Variants in MGAT5B observed in about 807,000 individuals in gnomAD.
The protein encoded by MGAT5B is alpha-1,6-mannosylglycoprotein 6-beta-N-acetylglucosaminyltransferase B.
In MGAT5B, 54 loss-of-function variants were observed where a neutral mutation model predicts 95.1. That is an observed-to-expected ratio of 0.57 (90% confidence interval 0.46 to 0.71). MGAT5B has a LOEUF of 0.71. Ranked by LOEUF, MGAT5B falls within the 30% of genes least tolerant of loss-of-function variation. The pLI, the probability that MGAT5B is intolerant of heterozygous loss-of-function variation, is 0.00. For missense variants in MGAT5B, 935 were observed against 1,088.6 expected (o/e 0.86, Z 1.99); for synonymous variants, 464 against 451.0 (o/e 1.03, Z -0.36).
intron 2 of MGAT5B, among the ~76,000 whole-genome samples, chr17:76,874,941 ATGTGCATGTG>A (rs1053399325): frequency 1.8e-4 from 28 of 152,134 alleles, no homozygotes; most frequent in African/African-American, 6.0e-4. Flanking sequence ...TCGTGTGTAC[ATGTGCATGTG>A]TGTGCATGTG....
chr17:76,941,753 A>G (rs1164674498), intron 15 of MGAT5B, among the ~76,000 whole-genome samples: 3 of 152,226 alleles, frequency 2.0e-5, no homozygotes, highest in Admixed American at 6.5e-5. Context: ...GGATTTTAGC[A>G]GTAGCTTATT....
rs193087965 is a variant in MGAT5B at position 76,897,012 on chromosome 17, G to A, written c.330-5543G>A. On this transcript the variant is annotated intron_variant, in intron 3 of 17. Coordinates refer to ENST00000569840, the MANE Select transcript of MGAT5B (RefSeq NM_001199172.2). ...TGGCTCACTGCAGCCTGGACCTCACGGGCGCAAACGATCCTCCTGCCTCAA... is the reference window on the plus strand; with the variant it reads ...TGGCTCACTGCAGCCTGGACCTCACAGGCGCAAACGATCCTCCTGCCTCAA... 1.8e-3 allele frequency among the ~76,000 whole-genome samples: 268 copies of A among 152,096 alleles called. 1 individual carries two copies. The highest frequency in any genetic ancestry group is 4.4e-3 in the African/African-American group (181 of 41,492).
chr17:76,943,220 CTGTT>C (rs1969922932), intron 15 of MGAT5B, among the ~76,000 whole-genome samples: 2 of 151,956 alleles, frequency 1.3e-5, no homozygotes, highest in African/African-American at 4.8e-5. Flanking sequence ...ACATGAACAT[CTGTT>C]TAATTTTGTT....
At chr17:76,941,262 A>G (rs538080184) in intron 15 of MGAT5B, among the ~76,000 whole-genome samples, 1 of 152,380 alleles carries the variant, frequency 6.6e-6, no homozygotes, top group African/African-American at 2.4e-5. Flanking sequence ...TAATGTGCAT[A>G]CAGAGCGTCT....
At chr17:76,934,367 C>T (rs2145260941) in intron 12 of MGAT5B, among the ~76,000 whole-genome samples, 1 of 152,338 alleles carries the variant, frequency 6.6e-6, no homozygotes, top group East Asian at 1.9e-4. Flanking sequence ...CTACATCAAT[C>T]TAAGTCCAGA....
At chr17:76,935,420 T>G (rs181308181) in intron 12 of MGAT5B, among the ~76,000 whole-genome samples, 1 of 48,178 alleles carries the variant, frequency 2.1e-5, no homozygotes, top group African/African-American at 5.9e-5. Flanking sequence ...GTGTTTAACT[T>G]TTTTTAAAAG....
intron 3 of MGAT5B, among the ~76,000 whole-genome samples, chr17:76,891,738 G>A (rs1407371558): frequency 6.6e-6 from 1 of 152,230 alleles, no homozygotes; most frequent in South Asian, 2.1e-4. Context: ...GTTCATAGCA[G>A]CAGGCAAGAC....
chr17:76,902,776 C>A, intron 4 of MGAT5B, 106 bp downstream of exon 4: 1 of 874,460 alleles, frequency 1.1e-6, no homozygotes, highest in Non-Finnish European at 1.8e-6. Context: ...CCGACTTCTC[C>A]TGACAGCAGC....
At chr17:76,899,748 C>A (rs766928426) in intron 3 of MGAT5B, among the ~76,000 whole-genome samples, 5 of 151,884 alleles carry the variant, frequency 3.3e-5, no homozygotes, top group Non-Finnish European at 7.4e-5. Flanking sequence ...CCACGGGCTT[C>A]ATCTGGACTG....
chr17:76,927,733 T>A (rs938843636), intron 10 of MGAT5B, among the ~76,000 whole-genome samples: 2 of 152,244 alleles, frequency 1.3e-5, no homozygotes, highest in African/African-American at 4.8e-5. Flanking sequence ...TGGTTCACGC[T>A]GCGCTCTTCC....
At chr17:76,935,896 A>ATATATACTATATAT (rs1439184230) in intron 12 of MGAT5B, among the ~76,000 whole-genome samples, 1 of 51,024 alleles carries the variant, frequency 2.0e-5, no homozygotes, top group Non-Finnish European at 5.0e-5. Flanking sequence ...TTATATAATT[A>ATATATACTATATAT]TATATACATT....
rs866916928 is a variant in MGAT5B, at chr17:76,916,434, C to T, written c.1026-8532C>T. Among the ~76,000 whole-genome samples the T allele has an allele frequency of 8.5e-5, 13 of 152,190 alleles. No individual in the cohort carries two copies. Among genetic ancestry groups the T allele is most frequent in the South Asian group, 2.1e-4 (1 of 4,836 alleles). On this transcript the variant is annotated intron_variant, in intron 8 of 17. Transcript: ENST00000569840. This position sits in a 1 kb window ranked among gnomAD's most constrained non-coding sequence, Gnocchi z 5.3. ...TGCAAGGGAAGACTCATGGAAATGA[C>T]GTCGCTGGCCCTCATGAGAGATCCA...
rs561395952 is a variant in MGAT5B, at chr17:76,902,466, G to A, written c.330-89G>A. ...AGCCTGGGGCATTGCAGAGCCTGCC[G>A]CCTTTGCCTGTGGGCCTTACTGGCA... On this transcript the variant is annotated intron_variant, in intron 3 of 17. Transcript: ENST00000569840. The A allele has an allele frequency of 6.0e-5, 55 of 921,514 alleles. No homozygotes were observed. In the East Asian group the frequency reaches 7.8e-4, roughly 13 times the overall value. 57.1% of individuals were successfully genotyped at this position (921,514 alleles called of 1,614,324 possible). A position where few individuals can be genotyped will look rare whatever the true frequency, so the allele number is the denominator to read the frequency against.
chr17:76,933,176 A>C, intron 11 of MGAT5B, 116 bp from the exon 12 acceptor site: 1 of 1,255,866 alleles, frequency 8.0e-7, no homozygotes, highest in South Asian at 1.3e-5. Flanking sequence ...TTAGAACCCC[A>C]TCTTCAGGGT....
intron 3 of MGAT5B, among the ~76,000 whole-genome samples, chr17:76,886,007 G>A (rs1252065272): frequency 6.6e-6 from 1 of 152,180 alleles, no homozygotes; most frequent in Non-Finnish European, 1.5e-5. Context: ...CTGGGCTGCC[G>A]CCTTCCACTC....
intron 8 of MGAT5B, among the ~76,000 whole-genome samples, chr17:76,920,005 C>A (rs894944): frequency 0.22 from 33,920 of 152,094 alleles, 3,952 homozygotes; most frequent in East Asian, 0.32. Flanking sequence ...GGAAATGCTC[C>A]ATTCCCCTGG....
Position 76,905,178 on chromosome 17 carries a change from C to T in MGAT5B, c.700C>T (p.Arg234Ter), listed in dbSNP as rs768988338. The change falls in exon 7 of 18, where the codon CGA becomes TGA. Residue 234 changes from arginine to a stop codon, truncating the protein, a stop_gained. Coordinates refer to ENST00000569840, the MANE Select transcript of MGAT5B (RefSeq NM_001199172.2). LOFTEE classifies it high-confidence loss of function. This position sits in a 1 kb window ranked among gnomAD's most constrained non-coding sequence, Gnocchi z 4.2. ...GTCTGGACCCCTCCAGGCAGTTTTC[C>T]GAAGCAACCTGTCCCACCTTCTGGA... is the stretch of plus-strand genomic sequence containing the variant. ...KPLPKVQAVF[R>*]SNLSHLLDLM... 3.1e-5 allele frequency: 50 copies of T among 1,609,974 alleles called. No homozygotes were observed. The highest frequency in any genetic ancestry group is 3.8e-5 in the Non-Finnish European group (45 of 1,177,038).
chr17:76,926,707 C>T lies in MGAT5B; in HGVS notation c.1268C>T (p.Pro423Leu). The change falls in exon 10 of 18, where the codon CCC becomes CTC. Residue 423 changes from proline (P) to leucine (L), a missense_variant. Physicochemically the swap from Pro to Leu is moderately conservative, Grantham distance 98. Coordinates refer to ENST00000569840, the MANE Select transcript of MGAT5B (RefSeq NM_001199172.2). ...RTNWGYWNLN[P>L]KQFMTMFPHT... ...AACTGGGGCTACTGGAACCTCAACC[C>T]CAAGCAGTTCATGACCATGTTTCGT... 1 of 1,612,756 alleles carries T rather than the reference C, an allele frequency of 6.2e-7. No individual in the cohort carries two copies. Among genetic ancestry groups the T allele is most frequent in the Non-Finnish European group, 8.5e-7 (1 of 1,179,924 alleles).
At position 76,940,300 on chromosome 17, in the gene MGAT5B, C is replaced by G; in HGVS notation, c.1585-102C>G. 1 of 1,384,316 alleles carries G rather than the reference C, an allele frequency of 7.2e-7. No individual in the cohort carries two copies. Among genetic ancestry groups the G allele is most frequent in the Non-Finnish European group, 9.6e-7 (1 of 1,040,010 alleles). 85.8% of individuals were successfully genotyped at this position (1,384,316 alleles called of 1,614,324 possible). Reference sequence around the variant, plus strand: ...ATAATCGCTCCAGGCCCAGCTGCCTCCTGTGAATATCCCGAAGCCTCACCT... The same window carrying G: ...ATAATCGCTCCAGGCCCAGCTGCCTGCTGTGAATATCCCGAAGCCTCACCT... On this transcript the variant is annotated intron_variant, in intron 13 of 17. Coordinates refer to ENST00000569840, the MANE Select transcript of MGAT5B (RefSeq NM_001199172.2). This position sits in a 1 kb window ranked among gnomAD's most constrained non-coding sequence, Gnocchi z 4.3.
Sources: gnomAD v4.1 joint callset for allele counts (sites outside exome capture counted in the v4.1 genomes callset) on GRCh38, gnomAD v4.1.1 for gene constraint, Gnocchi (gnomAD v3.1) non-coding constraint, MANE v1.5 for transcripts, NCBI Gene and HGNC (gene_info 2026-07-23, HGNC 2026-07-21) for gene names.